Variants in CACNA2D3 observed in about 807,000 individuals in gnomAD.
CACNA2D3 encodes voltage-dependent calcium channel subunit alpha-2/delta-3.
A neutral mutation model predicts 160.6 loss-of-function variants in CACNA2D3; 60 were observed. The observed-to-expected ratio is 0.37, with a 90% CI of 0.30 to 0.46. The LOEUF is 0.46. Ranked by LOEUF, CACNA2D3 falls within the 20% of genes least tolerant of loss-of-function variation. The pLI is 1.00. For missense variants in CACNA2D3, 1,205 were observed against 1,365.0 expected, an observed-to-expected ratio of 0.88 and a Z score of 1.85; for synonymous variants, 558 against 492.9, an observed-to-expected ratio of 1.13 and a Z score of -1.75.
chr3:54,904,702 T>C (rs1575543183), intron 27 of CACNA2D3, among the ~76,000 whole-genome samples: 3 of 152,174 alleles, frequency 2.0e-5, no homozygotes, highest in Admixed American at 6.5e-5. Context: ...ACGGTCCATA[T>C]GGGAGCGATA....
intron 2 of CACNA2D3, among the ~76,000 whole-genome samples, chr3:54,248,403 C>T (rs1171764931): frequency 1.3e-5 from 2 of 151,154 alleles, no homozygotes; most frequent in Admixed American, 1.3e-4. Flanking sequence ...ATCCCTTGAA[C>T]CTGGGAGATG....
intron 2 of CACNA2D3, among the ~76,000 whole-genome samples, chr3:54,230,445 A>T (rs1017535844): frequency 6.6e-6 from 1 of 152,242 alleles, no homozygotes; most frequent in Non-Finnish European, 1.5e-5. Flanking sequence ...TGTGAGGGTC[A>T]TTAATTTCTG....
chr3:54,154,535 C>T (rs939247493), intron 2 of CACNA2D3, among the ~76,000 whole-genome samples: 1 of 152,002 alleles, frequency 6.6e-6, no homozygotes, highest in African/African-American at 2.4e-5. Context: ...CTTTTTCCCC[C>T]CCGAATGATT....
At chr3:54,989,867 G>A (rs1184785500) in intron 31 of CACNA2D3, among the ~76,000 whole-genome samples, 2 of 152,112 alleles carry the variant, frequency 1.3e-5, no homozygotes, top group African/African-American at 4.8e-5. Context: ...CCATATGATG[G>A]GTCTCTGGTG....
At chr3:54,256,144 T>C (rs1702289476) in intron 2 of CACNA2D3, among the ~76,000 whole-genome samples, 1 of 152,198 alleles carries the variant, frequency 6.6e-6, no homozygotes, top group Non-Finnish European at 1.5e-5. Context: ...AACCTGAAAT[T>C]GGTGACACTT....
chr3:54,304,374 A>G (rs1054075570), intron 2 of CACNA2D3, among the ~76,000 whole-genome samples: 3 of 152,108 alleles, frequency 2.0e-5, no homozygotes, highest in African/African-American at 7.2e-5. Context: ...CCCTGTTTGT[A>G]TTTTGGTGAG....
At chr3:55,006,696 ATTGTTG>A (rs149123015) in intron 32 of CACNA2D3, among the ~76,000 whole-genome samples, 3 of 151,780 alleles carry the variant, frequency 2.0e-5, no homozygotes, top group Non-Finnish European at 4.4e-5. Context: ...GAGCCTCAGC[ATTGTTG>A]TTGTTGTTGT....
At chr3:54,223,392 C>T (rs189038465) in intron 2 of CACNA2D3, among the ~76,000 whole-genome samples, 51 of 152,052 alleles carry the variant, frequency 3.4e-4, no homozygotes, top group African/African-American at 1.1e-3. Context: ...AGGAAAGGTA[C>T]TATAAAATAT....
chr3:54,866,584 C>T (rs915234849), intron 17 of CACNA2D3, among the ~76,000 whole-genome samples: 1 of 152,188 alleles, frequency 6.6e-6, no homozygotes, highest in Non-Finnish European at 1.5e-5. Flanking sequence ...TTAGCACACA[C>T]AATATTTGTT....
At chr3:55,057,854 A>AT (rs968549745) in intron 35 of CACNA2D3, among the ~76,000 whole-genome samples, 2 of 152,000 alleles carry the variant, frequency 1.3e-5, no homozygotes, top group Non-Finnish European at 2.9e-5. Flanking sequence ...CTTGTGAGAG[A>AT]TTTTTTTCCT....
chr3:54,970,747 C>CT (rs971838025), intron 29 of CACNA2D3, among the ~76,000 whole-genome samples: 2 of 150,770 alleles, frequency 1.3e-5, no homozygotes, highest in African/African-American at 4.9e-5. Flanking sequence ...GTTTTTATAC[C>CT]TTGCCATCCC....
chr3:54,345,299 C>T (rs1354812298), intron 3 of CACNA2D3, among the ~76,000 whole-genome samples: 1 of 152,240 alleles, frequency 6.6e-6, no homozygotes, highest in Non-Finnish European at 1.5e-5. Flanking sequence ...CAACCTCCAG[C>T]TATTTCTGTT....
intron 35 of CACNA2D3, among the ~76,000 whole-genome samples, chr3:55,040,549 A>G (rs182293384): frequency 1.3e-5 from 2 of 152,132 alleles, no homozygotes; most frequent in East Asian, 3.9e-4. Flanking sequence ...GCGGAGTACA[A>G]TGGCACACAC....
At position 54,772,660 on chromosome 3, in the gene CACNA2D3, A is replaced by G. The variant is rs116689998; in HGVS notation, c.1380+8309A>G. 7.6e-3 allele frequency among the ~76,000 whole-genome samples: 1,160 copies of G among 152,314 alleles called. 11 individuals are homozygous for G. Among genetic ancestry groups the G allele is most frequent in the Non-Finnish European group, 0.014 (953 of 68,038 alleles). On this transcript the variant is annotated intron_variant, in intron 13 of 37. Coordinates refer to ENST00000474759, the MANE Select transcript of CACNA2D3 (RefSeq NM_018398.3). The stretch of plus-strand genomic sequence containing the variant: ...AACAACATTAATTATGTTGAATCTA[A>G]TAAGATCTCATGTATTAATTGACAA...
intron 3 of CACNA2D3, among the ~76,000 whole-genome samples, chr3:54,379,188 G>A (rs1323749919): frequency 6.6e-6 from 1 of 152,166 alleles, no homozygotes; most frequent in Non-Finnish European, 1.5e-5. Context: ...TTATAGATTA[G>A]CTTTTATAAT....
rs12496370 is a variant in CACNA2D3 at position 54,598,799 on chromosome 3, G to T, written c.963+16922G>T. Among the ~76,000 whole-genome samples the T allele has an allele frequency of 7.2e-4, 109 of 152,214 alleles. No individual in the cohort carries two copies. In the East Asian group the frequency reaches 8.1e-3, roughly 11 times the overall value. ...GAAACAGGTCCACACTTTGATTCAC[G>T]CTCGTGTCCTTGGCCATTGGTCAAC... is the stretch of plus-strand genomic sequence containing the variant. On this transcript the variant is annotated intron_variant, in intron 9 of 37. Coordinates refer to ENST00000474759, the MANE Select transcript of CACNA2D3 (RefSeq NM_018398.3).
At chr3:54,702,383 T>A (rs1346017473) in intron 11 of CACNA2D3, among the ~76,000 whole-genome samples, 3 of 151,676 alleles carry the variant, frequency 2.0e-5, no homozygotes, top group Admixed American at 1.3e-4. Context: ...AGGGAATCTA[T>A]AAGGAACTTA....
In CACNA2D3 at chr3:54,752,690, A is replaced by C; in HGVS notation, c.1246+13A>C. The C allele has an allele frequency of 6.3e-7, 1 of 1,599,640 alleles. No homozygotes were observed. Among genetic ancestry groups the C allele is most frequent in the East Asian group, 2.2e-5 (1 of 44,618 alleles). On this transcript the variant is annotated intron_variant, in intron 12 of 37. Coordinates refer to ENST00000474759, the MANE Select transcript of CACNA2D3 (RefSeq NM_018398.3). ...TGTGCCAACAAAGGTGGGTCTTCGC[A>C]TTGTGCTCGGCTCTGAATAACTTCC...
chr3:54,466,887 C>G (rs531968679), intron 4 of CACNA2D3, among the ~76,000 whole-genome samples: 2 of 152,092 alleles, frequency 1.3e-5, no homozygotes, highest in Non-Finnish European at 1.5e-5. Context: ...GTGGTGTTAT[C>G]TTTGGGTTGA....
Sources: gnomAD v4.1 joint callset for allele counts (sites outside exome capture counted in the v4.1 genomes callset) on GRCh38, gnomAD v4.1.1 for gene constraint, MANE v1.5 for transcripts, NCBI Gene and HGNC (gene_info 2026-07-23, HGNC 2026-07-21) for gene names.